SUMF1: variants seen among roughly 807,000 people sequenced by gnomAD.
SUMF1 encodes the protein formylglycine-generating enzyme.
In SUMF1, 48 loss-of-function variants were observed where a neutral mutation model predicts 47.6. That is an observed-to-expected ratio of 1.01 (90% CI 0.80 to 1.28). The LOEUF (loss-of-function observed/expected upper bound fraction) is 1.28. Ranked by LOEUF, SUMF1 falls within the 50% of genes most tolerant of loss-of-function variation. SUMF1 has a pLI of 0.00. For missense variants in SUMF1, 571 were observed against 485.4 expected (o/e 1.18, Z -1.66); for synonymous variants, 230 against 192.1 (o/e 1.20, Z -1.63).
At chr3:4,200,926 T>C (rs1409381983) in intron 8 of SUMF1, among the ~76,000 whole-genome samples, 5 of 152,104 alleles carry the variant, frequency 3.3e-5, no homozygotes, top group East Asian at 1.9e-4. Context: ...TACCACATTG[T>C]CTTACTATAA....
rs71313811 is a variant in SUMF1 at position 4,165,870 on chromosome 3, C to T, written c.1015-97125G>A. Among the ~76,000 whole-genome samples the T allele has an allele frequency of 8.7e-5, 12 of 137,798 alleles. 1 individual carries two copies. In the East Asian group the frequency reaches 1.7e-3, roughly 20 times the overall value. The allele number at this position is 137,798 out of a possible 152,430, so 90.4% of individuals were successfully genotyped here. On this transcript the variant is annotated intron_variant and NMD_transcript_variant, in intron 8 of 12. Coordinates refer to the SUMF1 transcript ENST00000448413. ...GTTTTGATTTGTTTGTTTCCCCCCC[C>T]CCCCCGAGCAAGAACCTGCAATGGT...
intron 8 of SUMF1, among the ~76,000 whole-genome samples, chr3:4,273,784 T>TGAG (rs1697356044): frequency 1.5e-4 from 3 of 19,526 alleles, no homozygotes; most frequent in Admixed American, 1.5e-3. Flanking sequence ...GAGGGGAGGA[T>TGAG]ACGGGAGGGG....
chr3:4,182,624 G>C (rs1193282138), intron 8 of SUMF1, among the ~76,000 whole-genome samples: 1 of 151,906 alleles, frequency 6.6e-6, no homozygotes, highest in East Asian at 1.9e-4. Context: ...CCAAATGCTG[G>C]TGTTCATTCT....
At chr3:4,305,594 T>C (rs1169321405) in intron 8 of SUMF1, among the ~76,000 whole-genome samples, 4 of 152,208 alleles carry the variant, frequency 2.6e-5, no homozygotes, top group African/African-American at 9.7e-5. Flanking sequence ...CCAGGGCAAT[T>C]TCAAGATATG....
At chr3:4,163,625 G>C (rs1008509364) in intron 8 of SUMF1, among the ~76,000 whole-genome samples, 1 of 150,968 alleles carries the variant, frequency 6.6e-6, no homozygotes, top group African/African-American at 2.4e-5. Context: ...CAGCTCCTTT[G>C]TATGAGAGGA....
At chr3:4,153,030 T>C (rs1694373751) in intron 8 of SUMF1, among the ~76,000 whole-genome samples, 1 of 151,520 alleles carries the variant, frequency 6.6e-6, no homozygotes, top group Admixed American at 6.6e-5. Flanking sequence ...CAAGCCCTAT[T>C]CTTCTGAGAA....
intron 8 of SUMF1, among the ~76,000 whole-genome samples, chr3:4,204,788 G>C (rs1420288080): frequency 6.6e-6 from 1 of 150,596 alleles, no homozygotes; most frequent in Non-Finnish European, 1.5e-5. Context: ...TATTTTTTCA[G>C]TTTGTCAATT....
At chr3:4,376,759 A>G (rs1433067590) in intron 7 of SUMF1, among the ~76,000 whole-genome samples, 1 of 152,196 alleles carries the variant, frequency 6.6e-6, no homozygotes, top group Non-Finnish European at 1.5e-5. Flanking sequence ...TTACTCATCT[A>G]CACTGGCAAG....
intron 8 of SUMF1, among the ~76,000 whole-genome samples, chr3:4,370,045 C>T (rs1006296956): frequency 7.2e-5 from 11 of 152,064 alleles, no homozygotes; most frequent in African/African-American, 2.2e-4. Context: ...ATAAATAAAC[C>T]GATACATTCA....
rs575357717 is a variant in SUMF1, at chr3:4,335,966, A to AAACAAAAAAAAC, written c.1014+40363_1014+40364insGTTTTTTTTGTT. Among the ~76,000 whole-genome samples the AAACAAAAAAAAC allele has an allele frequency of 2.9e-4, 42 of 144,982 alleles. 1 individual carries two copies. The South Asian group carries it at 9.6e-3, about 33-fold the overall frequency. Reference sequence around the variant, plus strand: ...ACTGAGTGAGATTCCAACTCAAAAAAAAAAAAAAAAAAAACAGAAAAAACC... The same window carrying AAACAAAAAAAAC: ...ACTGAGTGAGATTCCAACTCAAAAAAAACAAAAAAAACAAAAAAAAAAAAAACAGAAAAAACC... On this transcript the variant is annotated intron_variant and NMD_transcript_variant, in intron 8 of 12. Transcript: ENST00000448413.
chr3:4,269,589 AGAG>A (rs1363234434), intron 8 of SUMF1, among the ~76,000 whole-genome samples: 1 of 152,226 alleles, frequency 6.6e-6, no homozygotes, highest in African/African-American at 2.4e-5. Flanking sequence ...ACTACAGGAC[AGAG>A]GAGAGTTAAC....
chr3:4,450,281 T>A (rs964316815), intron 2 of SUMF1, among the ~76,000 whole-genome samples: 2 of 152,192 alleles, frequency 1.3e-5, no homozygotes, highest in East Asian at 3.8e-4. Context: ...ATGGACAACT[T>A]TCAATCTCAT....
chr3:4,121,416 C>T (rs943361251), intron 8 of SUMF1, among the ~76,000 whole-genome samples: 1 of 152,046 alleles, frequency 6.6e-6, no homozygotes, highest in Non-Finnish European at 1.5e-5. Context: ...GTATTATAGT[C>T]TCTTTGTTTT....
intron 8 of SUMF1, among the ~76,000 whole-genome samples, chr3:4,208,971 G>A (rs1309277619): frequency 1.3e-5 from 2 of 152,134 alleles, no homozygotes; most frequent in East Asian, 1.9e-4. Context: ...TTCTTGTGAT[G>A]TCTTTGTCAG....
intron 1 of SUMF1, among the ~76,000 whole-genome samples, chr3:4,466,096 G>GTAA (rs2079937423): frequency 1.3e-5 from 2 of 152,068 alleles, no homozygotes; most frequent in Admixed American, 6.6e-5. Flanking sequence ...ACAGATTGAA[G>GTAA]TAACAGTTAT....
At chr3:4,429,306 G>A (rs955548524) in intron 3 of SUMF1, among the ~76,000 whole-genome samples, 3 of 152,234 alleles carry the variant, frequency 2.0e-5, no homozygotes, top group Admixed American at 2.0e-4. Context: ...AACTCTGTAA[G>A]AAGGCTCCAC....
chr3:4,457,031 T>TGTGTGTACATATATAC (rs2079668640), intron 1 of SUMF1, among the ~76,000 whole-genome samples: 1 of 138,632 alleles, frequency 7.2e-6, no homozygotes, highest in Non-Finnish European at 1.6e-5. Flanking sequence ...TATATATACG[T>TGTGTGTACATATATAC]GTGTGTGTAT....
chr3:4,144,514 A>C (rs1694149022), intron 8 of SUMF1, among the ~76,000 whole-genome samples: 1 of 152,132 alleles, frequency 6.6e-6, no homozygotes, highest in Non-Finnish European at 1.5e-5. Flanking sequence ...AAGAGACCAG[A>C]AATAAAATCT....
At chr3:4,262,882 C>T (rs937215331) in intron 8 of SUMF1, among the ~76,000 whole-genome samples, 2 of 152,032 alleles carry the variant, frequency 1.3e-5, no homozygotes, top group Admixed American at 6.6e-5. Flanking sequence ...CAAAGTGCTA[C>T]GTAAAGAAGA....
Sources: allele counts gnomAD v4.1 joint callset (sites outside exome capture counted in the v4.1 genomes callset), GRCh38; gene constraint gnomAD v4.1.1; transcripts MANE v1.5; gene names NCBI Gene and HGNC (gene_info 2026-07-23, HGNC 2026-07-21).